ATP10B: variants seen among roughly 807,000 people sequenced by gnomAD.
ATP10B encodes the protein ATPase phospholipid transporting 10B (putative), also known as phospholipid-transporting ATPase VB.
ATP10B carries 122 observed loss-of-function variants against 141.2 expected under a neutral mutation model. The ratio of observed to expected loss-of-function variants is 0.86; its 90% CI spans 0.75 to 1.00. ATP10B has a LOEUF of 1.00. Among genes scored for constraint, ATP10B ranks in the 50% least tolerant of loss-of-function variants. The pLI is 0.00. For missense variants in ATP10B, 1,876 were observed against 1,825.3 expected (o/e 1.03, Z -0.51); for synonymous variants, 685 against 692.0 (o/e 0.99, Z 0.16).
intron 1 of ATP10B, among the ~76,000 whole-genome samples, chr5:160,837,827 G>T (rs549006142): frequency 6.6e-6 from 1 of 152,192 alleles, no homozygotes; most frequent in African/African-American, 2.4e-5. Flanking sequence ...TTGCCCTGGA[G>T]ATACGCCTGT....
At chr5:160,677,227 G>A (rs1472806297) in intron 6 of ATP10B, among the ~76,000 whole-genome samples, 1 of 152,202 alleles carries the variant, frequency 6.6e-6, no homozygotes, top group Non-Finnish European at 1.5e-5. Context: ...AGGACCTAAA[G>A]CATTCTCTCC....
chr5:160,859,123 G>A, the ATP10B span, among the ~76,000 whole-genome samples: 1 of 151,332 alleles, frequency 6.6e-6, no homozygotes, highest in Non-Finnish European at 1.5e-5. Context: ...AATTCCCTTG[G>A]TTTTCCTTCA....
upstream of ATP10B, among the ~76,000 whole-genome samples, chr5:160,854,890 T>C (rs150370228): frequency 3.7e-4 from 57 of 152,280 alleles, no homozygotes; most frequent in East Asian, 0.011. Flanking sequence ...CAATTATTCT[T>C]ATTCTACGAG....
At chr5:160,863,859 G>A in the ATP10B span, among the ~76,000 whole-genome samples, 4 of 151,780 alleles carry the variant, frequency 2.6e-5, no homozygotes, top group Admixed American at 6.6e-5. Context: ...AGATGGATAA[G>A]TTCCTGGAAA....
chr5:160,755,763 C>T (rs1373911756), intron 2 of ATP10B, among the ~76,000 whole-genome samples: 5 of 138,346 alleles, frequency 3.6e-5, no homozygotes, highest in African/African-American at 5.3e-5. Flanking sequence ...TGCAGTGAGC[C>T]GACATCCCGC....
At chr5:160,634,065 A>T (rs954951061) in intron 12 of ATP10B, 1 of 481,332 alleles carries the variant, frequency 2.1e-6, no homozygotes, top group Non-Finnish European at 3.8e-6. Context: ...TTGCTGACAG[A>T]TAAAAAACTC....
intron 24 of ATP10B, among the ~76,000 whole-genome samples, chr5:160,586,296 A>G (rs1158796059): frequency 6.6e-6 from 1 of 152,210 alleles, no homozygotes; most frequent in Non-Finnish European, 1.5e-5. Flanking sequence ...TGTCCCTGCA[A>G]AAGACATGAC....
rs36088639 is a variant in ATP10B at position 160,820,144 on chromosome 5, G to GAA, written c.-576+31795_-576+31796dup. Reference sequence around the variant, plus strand: ...TTGACCAATCTTTAGTGAGATTAATGAAAAAAAAAGAGGGAAGACTCAAAT... The same window carrying GAA: ...TTGACCAATCTTTAGTGAGATTAATGAAAAAAAAAAAGAGGGAAGACTCAAAT... On this transcript the variant is annotated intron_variant, in intron 1 of 25. Coordinates refer to ENST00000327245, the MANE Select transcript of ATP10B (RefSeq NM_025153.3). 6.3e-3 allele frequency among the ~76,000 whole-genome samples: 933 copies of GAA among 148,878 alleles called. 12 individuals are homozygous for GAA. The highest frequency in any genetic ancestry group is 0.022 in the African/African-American group (875 of 40,622).
Position 160,847,018 on chromosome 5 carries a change from A to C in ATP10B, c.-576+4923T>G, listed in dbSNP as rs183721755. Among the ~76,000 whole-genome samples, 139 of 152,330 alleles carry C rather than the reference A, an allele frequency of 9.1e-4. No homozygotes were observed. In the South Asian group the frequency reaches 0.018, roughly 20 times the overall value. On this transcript the variant is annotated intron_variant, in intron 1 of 25. Coordinates refer to ENST00000327245, the MANE Select transcript of ATP10B (RefSeq NM_025153.3). ...AATGTTAGATGTTCTGGCTACTTCC[A>C]ATATTACCTCTTCGATTAATTCTCA...
chr5:160,887,207 C>A, the ATP10B span, among the ~76,000 whole-genome samples: 1 of 152,158 alleles, frequency 6.6e-6, no homozygotes, highest in Non-Finnish European at 1.5e-5. Flanking sequence ...CAGAGATGCT[C>A]AAGTCCTTGA....
At chr5:160,789,866 T>C (rs1430225131) in intron 1 of ATP10B, among the ~76,000 whole-genome samples, 1 of 152,198 alleles carries the variant, frequency 6.6e-6, no homozygotes, top group African/African-American at 2.4e-5. Context: ...CTTAGGTATC[T>C]GTTAACCAAT....
chr5:160,906,036 T>TA, the ATP10B span, among the ~76,000 whole-genome samples: 8 of 152,172 alleles, frequency 5.3e-5, no homozygotes, highest in African/African-American at 1.9e-4. Flanking sequence ...ATTTTGCTGC[T>TA]ATTATACACA....
the ATP10B span, among the ~76,000 whole-genome samples, chr5:160,867,314 G>A: frequency 1.3e-5 from 2 of 152,042 alleles, no homozygotes; most frequent in East Asian, 1.9e-4. Flanking sequence ...TTCAGTTGAT[G>A]ACAGGTAGTT....
chr5:160,837,634 T>TC (rs371410492), intron 1 of ATP10B, among the ~76,000 whole-genome samples: 2 of 146,450 alleles, frequency 1.4e-5, no homozygotes, highest in Non-Finnish European at 3.0e-5. Context: ...GTTGTAGTTC[T>TC]CTCTGAAGTT....
At chr5:160,654,638 G>A (rs1489947167) in intron 7 of ATP10B, among the ~76,000 whole-genome samples, 1 of 152,142 alleles carries the variant, frequency 6.6e-6, no homozygotes, top group African/African-American at 2.4e-5. Flanking sequence ...AGTGTCTCAT[G>A]GTTGGTAAGT....
intron 7 of ATP10B, among the ~76,000 whole-genome samples, chr5:160,659,468 TAAAAACAAAAAC>T (rs10546331): frequency 3.4e-4 from 51 of 151,636 alleles, no homozygotes; most frequent in Middle Eastern, 3.4e-3. Context: ...CCGTCTCAAA[TAAAAACAAAAAC>T]AAAAACAAAA....
chr5:160,830,369 T>G (rs1214466712), intron 1 of ATP10B, among the ~76,000 whole-genome samples: 2 of 152,160 alleles, frequency 1.3e-5, no homozygotes, highest in African/African-American at 4.8e-5. Context: ...ATAGGCATTG[T>G]GACAGTTGAC....
chr5:160,582,397 G>T (rs904313098), intron 24 of ATP10B, among the ~76,000 whole-genome samples: 1 of 152,054 alleles, frequency 6.6e-6, no homozygotes, highest in Admixed American at 6.6e-5. Flanking sequence ...TTTCTCCTTT[G>T]CTTATGAAGC....
chr5:160,898,395 A>C, the ATP10B span, among the ~76,000 whole-genome samples: 1 of 152,218 alleles, frequency 6.6e-6, no homozygotes, highest in African/African-American at 2.4e-5. Context: ...TATGAAAAAA[A>C]GCTCATAATC....
Sources: allele counts gnomAD v4.1 joint callset (sites outside exome capture counted in the v4.1 genomes callset), GRCh38; gene constraint gnomAD v4.1.1; transcripts MANE v1.5; gene names NCBI Gene and HGNC (gene_info 2026-07-23, HGNC 2026-07-21).